The following GNAQ variants were observed in gnomAD, a reference collection of about 807,000 sequenced individuals.
The protein encoded by GNAQ is G protein subunit alpha q, also known as guanine nucleotide-binding protein G(q) subunit alpha.
Under a neutral mutation model 43.9 loss-of-function variants are expected in GNAQ, and 8 were observed. That is an observed-to-expected ratio of 0.18 (90% confidence interval 0.11 to 0.33). The LOEUF (loss-of-function observed/expected upper bound fraction) is 0.33, where lower values mean the gene tolerates loss of function less well. GNAQ is among the 10% of genes least tolerant of loss of function. The pLI, the probability that GNAQ is intolerant of heterozygous loss-of-function variation, is 1.00. For synonymous variants in GNAQ, 155 were observed against 170.7 expected (o/e 0.91, Z 0.71); for missense variants, 158 against 450.8 (o/e 0.35, Z 5.88).
At chr9:77,897,528 C>T (rs1828523453) in intron 2 of GNAQ, among the ~76,000 whole-genome samples, 1 of 152,166 alleles carries the variant, frequency 6.6e-6, no homozygotes, top group Non-Finnish European at 1.5e-5. Context: ...TCATAGGATG[C>T]AGCTTCTCCC....
Position 77,925,962 on chromosome 9 carries a change from G to A in GNAQ, c.137-3617C>T, listed in dbSNP as rs576033682. Among the ~76,000 whole-genome samples, 14 of 152,246 alleles carry A rather than the reference G, an allele frequency of 9.2e-5. No individual in the cohort carries two copies. The South Asian group carries it at 2.5e-3, about 27-fold the overall frequency. On this transcript the variant is annotated intron_variant, in intron 1 of 6. Coordinates refer to ENST00000286548, the MANE Select transcript of GNAQ (RefSeq NM_002072.5). ...ATACCTAATACAATGTAAATGCTATGTAAATAGTTGTCATACTGTATTGTC... is the reference window on the plus strand; with the variant it reads ...ATACCTAATACAATGTAAATGCTATATAAATAGTTGTCATACTGTATTGTC...
intron 1 of GNAQ, among the ~76,000 whole-genome samples, chr9:77,956,847 G>A (rs1424829499): frequency 6.6e-6 from 1 of 152,200 alleles, no homozygotes; most frequent in Non-Finnish European, 1.5e-5. Context: ...CAGCAGGTGA[G>A]AGAGTTCTAT....
intron 2 of GNAQ, among the ~76,000 whole-genome samples, chr9:77,843,206 T>G (rs1460498463): frequency 6.6e-6 from 1 of 152,190 alleles, no homozygotes; most frequent in Non-Finnish European, 1.5e-5. Flanking sequence ...ATCACCTCCC[T>G]GCTCCTCCCT....
chr9:77,837,242 A>C (rs115058730), intron 2 of GNAQ, among the ~76,000 whole-genome samples: 1,878 of 152,140 alleles, frequency 0.012, 38 homozygotes, highest in African/African-American at 0.042. Flanking sequence ...TCAGAAGTGG[A>C]ATTCTGAGTG....
intron 1 of GNAQ, among the ~76,000 whole-genome samples, chr9:78,020,721 C>A (rs1823898444): frequency 6.6e-6 from 1 of 152,174 alleles, no homozygotes; most frequent in African/African-American, 2.4e-5. Flanking sequence ...TGGCGCTACC[C>A]CTATTGGCAA....
chr9:78,030,408 T>A (rs1013500706), intron 1 of GNAQ: 9 of 415,750 alleles, frequency 2.2e-5, no homozygotes, highest in Non-Finnish European at 4.6e-5. Context: ...TTCGATGGTC[T>A]GGTGGCTAGA....
intron 1 of GNAQ, among the ~76,000 whole-genome samples, chr9:77,928,277 A>T (rs1006143454): frequency 1.3e-5 from 2 of 152,188 alleles, no homozygotes; most frequent in Non-Finnish European, 2.9e-5. Context: ...CCGTCTTTTC[A>T]TGACTGTCTG....
intron 2 of GNAQ, among the ~76,000 whole-genome samples, chr9:77,909,995 G>A (rs1480353050): frequency 6.6e-6 from 1 of 152,030 alleles, no homozygotes; most frequent in African/African-American, 2.4e-5. Context: ...ATCATGAGTA[G>A]GTTAACAACA....
At chr9:77,992,709 T>C (rs570201837) in intron 1 of GNAQ, among the ~76,000 whole-genome samples, 3 of 152,232 alleles carry the variant, frequency 2.0e-5, no homozygotes, top group Non-Finnish European at 4.4e-5. Context: ...TTTGGGAGGC[T>C]GAAGGCGGGT....
intron 1 of GNAQ, among the ~76,000 whole-genome samples, chr9:77,927,068 C>T (rs1020394582): frequency 1.3e-5 from 2 of 152,110 alleles, no homozygotes; most frequent in African/African-American, 4.8e-5. Context: ...ACATTAGACA[C>T]ACACTCTCAC....
At chr9:78,021,893 A>G (rs568927300) in intron 1 of GNAQ, among the ~76,000 whole-genome samples, 4 of 152,350 alleles carry the variant, frequency 2.6e-5, no homozygotes, top group African/African-American at 9.6e-5. Flanking sequence ...CAGCGCTGGA[A>G]CACTGCGTCT....
intron 2 of GNAQ, among the ~76,000 whole-genome samples, chr9:77,824,932 A>G (rs1421215003): frequency 6.6e-6 from 1 of 152,216 alleles, no homozygotes; most frequent in Non-Finnish European, 1.5e-5. Flanking sequence ...TTTGATCTAA[A>G]CAAAAAGTCA....
At chr9:77,984,580 T>C (rs1823410357) in intron 1 of GNAQ, among the ~76,000 whole-genome samples, 1 of 152,218 alleles carries the variant, frequency 6.6e-6, no homozygotes, top group African/African-American at 2.4e-5. Context: ...TTGGTTTCTG[T>C]AGAACTCTTA....
At chr9:77,974,844 A>G (rs17064005) in intron 1 of GNAQ, among the ~76,000 whole-genome samples, 43,926 of 152,228 alleles carry the variant, frequency 0.29, 6,476 homozygotes, top group South Asian at 0.44. Flanking sequence ...TCCTATAATG[A>G]TTCATACAAA....
At chr9:77,753,103 AAAAG>A (rs1564099998) in intron 5 of GNAQ, among the ~76,000 whole-genome samples, 1 of 150,532 alleles carries the variant, frequency 6.6e-6, no homozygotes, top group Non-Finnish European at 1.5e-5. Context: ...AAAAAAAAAA[AAAAG>A]AAAAAGGAAA....
At chr9:77,887,593 C>G (rs564148521) in intron 2 of GNAQ, among the ~76,000 whole-genome samples, 50 of 152,316 alleles carry the variant, frequency 3.3e-4, no homozygotes, top group Admixed American at 7.8e-4. Flanking sequence ...GGGCATTTTG[C>G]TGGAGTGCAC....
chr9:78,003,394 T>C (rs1362640171), intron 1 of GNAQ, among the ~76,000 whole-genome samples: 1 of 152,210 alleles, frequency 6.6e-6, no homozygotes, highest in Non-Finnish European at 1.5e-5. Flanking sequence ...TCTTCCATAG[T>C]ATTCTTCTCT....
chr9:77,854,662 C>T (rs1827723532), intron 2 of GNAQ, among the ~76,000 whole-genome samples: 2 of 152,188 alleles, frequency 1.3e-5, no homozygotes, highest in Non-Finnish European at 2.9e-5. Context: ...AAGCTAAGGC[C>T]AAGGCAAGCT....
chr9:77,857,876 T>G (rs1489586157), intron 2 of GNAQ, among the ~76,000 whole-genome samples: 1 of 151,886 alleles, frequency 6.6e-6, no homozygotes, highest in African/African-American at 2.4e-5. Flanking sequence ...ATAAAGGTTT[T>G]TTTTTTTTTC....
Sources: allele counts gnomAD v4.1 joint callset (sites outside exome capture counted in the v4.1 genomes callset), GRCh38; gene constraint gnomAD v4.1.1; transcripts MANE v1.5; gene names NCBI Gene and HGNC (gene_info 2026-07-23, HGNC 2026-07-21).